Variants in SDK1 observed in about 807,000 individuals in gnomAD.
The protein encoded by SDK1 is protein sidekick-1.
SDK1 carries 157 observed loss-of-function variants against 245.5 expected under a neutral mutation model. That is an observed-to-expected ratio of 0.64 (90% CI 0.56 to 0.73). The LOEUF is 0.73. SDK1 is among the 30% of genes least tolerant of loss of function. The pLI, the probability that SDK1 is intolerant of heterozygous loss-of-function variation, is 0.00. For synonymous variants in SDK1, 1,647 were observed against 1,278.5 expected, an observed-to-expected ratio of 1.29 and a Z score of -6.15; for missense variants, 3,583 against 3,002.3, an observed-to-expected ratio of 1.19 and a Z score of -4.52.
intron 22 of SDK1, among the ~76,000 whole-genome samples, chr7:4,101,702 G>A (rs886392002): frequency 2.0e-5 from 3 of 152,164 alleles, no homozygotes; most frequent in Non-Finnish European, 2.9e-5. Context: ...CGCGGTTCTG[G>A]GGTGAGGCTG....
intron 35 of SDK1, among the ~76,000 whole-genome samples, chr7:4,196,443 G>A (rs1206397649): frequency 1.3e-5 from 2 of 152,184 alleles, no homozygotes; most frequent in Non-Finnish European, 2.9e-5. Context: ...GATCTCTAAA[G>A]CCATTCAGTC....
At chr7:3,311,048 T>C (rs1031143916) in intron 1 of SDK1, among the ~76,000 whole-genome samples, 1 of 152,152 alleles carries the variant, frequency 6.6e-6, no homozygotes, top group African/African-American at 2.4e-5. Context: ...TATTTATCTT[T>C]TCTTTTCCTG....
intron 1 of SDK1, among the ~76,000 whole-genome samples, chr7:3,487,050 G>C (rs887508241): frequency 3.3e-5 from 5 of 152,226 alleles, no homozygotes; most frequent in African/African-American, 1.2e-4. Context: ...AAACCACTCA[G>C]CTCGCCATTG....
chr7:4,137,114 A>G (rs1031452559), intron 28 of SDK1, among the ~76,000 whole-genome samples: 2 of 152,194 alleles, frequency 1.3e-5, no homozygotes, highest in Admixed American at 6.5e-5. Flanking sequence ...TTTGTTTCCC[A>G]GGGAAGTGCA....
chr7:3,517,767 C>G (rs1056237837), intron 1 of SDK1, among the ~76,000 whole-genome samples: 4 of 152,158 alleles, frequency 2.6e-5, no homozygotes, highest in African/African-American at 7.2e-5. Context: ...TTTTCCAGCA[C>G]AGGTAAAGAA....
intron 1 of SDK1, among the ~76,000 whole-genome samples, chr7:3,314,045 A>G (rs1779608932): frequency 1.3e-5 from 2 of 152,228 alleles, no homozygotes. Flanking sequence ...CTTATAGTTT[A>G]TTAGGGCATA....
intron 28 of SDK1, among the ~76,000 whole-genome samples, chr7:4,142,936 A>G (rs1270825057): frequency 1.3e-5 from 2 of 152,354 alleles, no homozygotes; most frequent in East Asian, 3.9e-4. Context: ...CAGGCAGAAC[A>G]CAGCCGCCCA....
intron 4 of SDK1, among the ~76,000 whole-genome samples, chr7:3,684,460 C>A (rs1480329512): frequency 6.6e-6 from 1 of 152,188 alleles, no homozygotes; most frequent in Non-Finnish European, 1.5e-5. Context: ...AGAAGCCCAG[C>A]ATAAAGCTGA....
At chr7:3,682,819 AC>A (rs1375671612) in intron 4 of SDK1, among the ~76,000 whole-genome samples, 2 of 151,354 alleles carry the variant, frequency 1.3e-5, no homozygotes, top group Admixed American at 6.6e-5. Context: ...GCTCACTGCA[AC>A]CCCCACTTCC....
intron 4 of SDK1, among the ~76,000 whole-genome samples, chr7:3,728,343 C>G (rs1359736640): frequency 6.6e-6 from 1 of 152,238 alleles, no homozygotes; most frequent in Non-Finnish European, 1.5e-5. Context: ...ATCTGACCAA[C>G]TTAGTGGAAT....
intron 35 of SDK1, among the ~76,000 whole-genome samples, chr7:4,205,247 G>A (rs188821330): frequency 5.9e-5 from 9 of 152,284 alleles, no homozygotes; most frequent in East Asian, 5.8e-4. Context: ...GTATCTGGAC[G>A]AACTTCATCT....
intron 30 of SDK1, among the ~76,000 whole-genome samples, chr7:4,156,202 G>A (rs1458096499): frequency 6.6e-6 from 1 of 152,146 alleles, no homozygotes; most frequent in Admixed American, 6.5e-5. Flanking sequence ...CTGCCTCCTG[G>A]TACAGGAGCC....
intron 1 of SDK1, among the ~76,000 whole-genome samples, chr7:3,332,505 G>A (rs1179131811): frequency 6.6e-6 from 1 of 152,172 alleles, no homozygotes; most frequent in East Asian, 1.9e-4. Context: ...CTAAAGCGAA[G>A]TCAGAGTCAT....
intron 1 of SDK1, among the ~76,000 whole-genome samples, chr7:3,520,850 A>C (rs1327162897): frequency 1.3e-5 from 2 of 152,180 alleles, no homozygotes; most frequent in African/African-American, 4.8e-5. Flanking sequence ...TGAGTGGATT[A>C]GTTTCCTGTT....
At chr7:4,241,340 T>C (rs913212288) in intron 42 of SDK1, among the ~76,000 whole-genome samples, 1 of 152,104 alleles carries the variant, frequency 6.6e-6, no homozygotes, top group East Asian at 1.9e-4. Context: ...TTTTTAGAAG[T>C]GTATGCATTC....
intron 1 of SDK1, among the ~76,000 whole-genome samples, chr7:3,342,215 C>T (rs1780367512): frequency 6.6e-6 from 1 of 152,158 alleles, no homozygotes; most frequent in South Asian, 2.1e-4. Context: ...CAACCTTGAT[C>T]TAAATTTTAT....
chr7:3,458,087 T>G (rs1278542707), intron 1 of SDK1, among the ~76,000 whole-genome samples: 3 of 152,280 alleles, frequency 2.0e-5, no homozygotes, highest in South Asian at 2.1e-4. Flanking sequence ...GTGTGTGTGT[T>G]TTTCCCTGTT....
intron 4 of SDK1, among the ~76,000 whole-genome samples, chr7:3,808,794 C>G (rs1779313491): frequency 6.6e-6 from 1 of 152,132 alleles, no homozygotes; most frequent in African/African-American, 2.4e-5. Flanking sequence ...AAGCAAAGAA[C>G]CCAACAGATG....
At chr7:3,480,489 A>G (rs1583922426) in intron 1 of SDK1, among the ~76,000 whole-genome samples, 2 of 152,044 alleles carry the variant, frequency 1.3e-5, no homozygotes, top group Admixed American at 1.3e-4. Context: ...ACATACGCTC[A>G]TGTAGGAACT....
Sources: allele counts gnomAD v4.1 joint callset (sites outside exome capture counted in the v4.1 genomes callset), GRCh38; gene constraint gnomAD v4.1.1; transcripts MANE v1.5; gene names NCBI Gene and HGNC (gene_info 2026-07-23, HGNC 2026-07-21).